Variants in CYRIB observed in about 807,000 individuals in gnomAD.
The protein encoded by CYRIB is CYFIP related Rac1 interactor B, also known as CYFIP-related Rac1 interactor B.
In CYRIB, 8 loss-of-function variants were observed where a neutral mutation model predicts 44.2. The ratio of observed to expected loss-of-function variants is 0.18; its 90% confidence interval spans 0.11 to 0.33. CYRIB has a LOEUF of 0.33. CYRIB is among the 10% of genes least tolerant of loss of function. The probability of loss-of-function intolerance (pLI) is 1.00; values close to 1 mark genes in which losing one functional copy is unlikely to be tolerated. For missense variants in CYRIB, 185 were observed against 382.8 expected (o/e 0.48, Z 4.31); for synonymous variants, 131 against 127.2 (o/e 1.03, Z -0.20).
upstream of CYRIB, chr8:130,016,568 G>C (rs1374957873): frequency 2.6e-5 from 4 of 151,846 alleles, no homozygotes; most frequent in Non-Finnish European, 5.9e-5. Flanking sequence ...ACTATAAAAG[G>C]AAGAGGCGCG....
At chr8:129,880,536 C>T in intron 2 of CYRIB, 2 of 629,574 alleles carry the variant, frequency 3.2e-6, no homozygotes, top group Non-Finnish European at 4.0e-6. Flanking sequence ...CAAAGGCTGG[C>T]TTGCTCATAA....
At chr8:129,908,307 G>A (rs1299985116) in intron 1 of CYRIB, among the ~76,000 whole-genome samples, 1 of 151,898 alleles carries the variant, frequency 6.6e-6, no homozygotes, top group Non-Finnish European at 1.5e-5. Context: ...AAAAATAAAC[G>A]ATAATTTGTA....
intron 1 of CYRIB, among the ~76,000 whole-genome samples, chr8:129,936,284 A>C (rs924291461): frequency 5.3e-5 from 8 of 152,212 alleles, no homozygotes; most frequent in Non-Finnish European, 7.3e-5. Context: ...ATATTTAATT[A>C]TGATTAATGG....
chr8:130,004,024 ATT>A (rs1179109557), intron 1 of CYRIB, among the ~76,000 whole-genome samples: 1 of 152,060 alleles, frequency 6.6e-6, no homozygotes, highest in Non-Finnish European at 1.5e-5. Context: ...TTATTTATCT[ATT>A]TATTTATTTT....
At chr8:129,932,068 G>C (rs1345941234) in intron 1 of CYRIB, among the ~76,000 whole-genome samples, 2 of 144,510 alleles carry the variant, frequency 1.4e-5, no homozygotes, top group Non-Finnish European at 3.0e-5. Flanking sequence ...GCGCAATCTC[G>C]GCTCACCGCA....
In CYRIB at chr8:129,885,413, C is replaced by A. The variant is rs181994555; in HGVS notation, c.-10-5942G>T. ...GTTTTCCTCACATCCAGCTTATAAA[C>A]GTATTAAAGACTTGTGACTGGCCAG... On this transcript the variant is annotated intron_variant, in intron 2 of 11. Coordinates refer to ENST00000519824, the Ensembl canonical transcript of CYRIB. Among the ~76,000 whole-genome samples, 57 of 152,254 alleles carry A rather than the reference C, an allele frequency of 3.7e-4. 1 individual carries two copies. Among genetic ancestry groups the A allele is most frequent in the African/African-American group, 1.3e-3 (55 of 41,526 alleles).
intron 1 of CYRIB, among the ~76,000 whole-genome samples, chr8:129,911,692 AAAAC>A (rs933341212): frequency 3.9e-5 from 6 of 152,144 alleles, no homozygotes; most frequent in African/African-American, 1.2e-4. Flanking sequence ...AACAAAAATA[AAAAC>A]AAACAAAACC....
At chr8:129,866,234 A>G (rs1003765075) in intron 4 of CYRIB, among the ~76,000 whole-genome samples, 2 of 152,188 alleles carry the variant, frequency 1.3e-5, no homozygotes, top group Non-Finnish European at 2.9e-5. Context: ...ACCACAATGC[A>G]TTGCATTTGT....
chr8:129,894,918 T>C (rs553626572), intron 2 of CYRIB, among the ~76,000 whole-genome samples: 124 of 149,422 alleles, frequency 8.3e-4, no homozygotes, highest in Non-Finnish European at 1.6e-3. Context: ...TAGAAATATA[T>C]ATATATATAT....
intron 2 of CYRIB, among the ~76,000 whole-genome samples, chr8:129,894,130 C>G (rs1174938763): frequency 1.3e-5 from 2 of 152,306 alleles, no homozygotes; most frequent in African/African-American, 4.8e-5. Context: ...TTATGCTTTA[C>G]ACCTCCATAC....
At chr8:129,907,426 T>G (rs1033703317) in intron 1 of CYRIB, among the ~76,000 whole-genome samples, 1 of 151,154 alleles carries the variant, frequency 6.6e-6, no homozygotes, top group Non-Finnish European at 1.5e-5. Flanking sequence ...AAGGGGAACA[T>G]CATACACCGG....
intron 1 of CYRIB, among the ~76,000 whole-genome samples, chr8:129,931,886 C>A (rs2091511247): frequency 6.6e-6 from 1 of 152,072 alleles, no homozygotes; most frequent in Non-Finnish European, 1.5e-5. Context: ...CTCAGCCTCC[C>A]AAATTGCTGG....
intron 5 of CYRIB, among the ~76,000 whole-genome samples, chr8:129,860,310 T>C (rs781361579): frequency 6.6e-6 from 1 of 152,188 alleles, no homozygotes; most frequent in African/African-American, 2.4e-5. Context: ...GAATAGCATC[T>C]GAGCACCATC....
chr8:129,944,434 T>C (rs886546493), upstream of CYRIB, among the ~76,000 whole-genome samples: 2 of 152,174 alleles, frequency 1.3e-5, no homozygotes, highest in African/African-American at 4.8e-5. Flanking sequence ...CCACGTGATA[T>C]CAATACTTTT....
intron 1 of CYRIB, among the ~76,000 whole-genome samples, chr8:129,996,518 A>G (rs1291535399): frequency 6.6e-6 from 1 of 152,192 alleles, no homozygotes; most frequent in Non-Finnish European, 1.5e-5. Context: ...ACAGAAGCCA[A>G]GTGGGAAAGG....
At chr8:129,856,265 G>A (rs1587412046) in intron 5 of CYRIB, among the ~76,000 whole-genome samples, 2 of 152,192 alleles carry the variant, frequency 1.3e-5, no homozygotes, top group South Asian at 2.1e-4. Context: ...AAAATATGTG[G>A]TTCAATAAGC....
chr8:129,989,795 T>A (rs28537603), intron 1 of CYRIB, among the ~76,000 whole-genome samples: 1 of 45,298 alleles, frequency 2.2e-5, no homozygotes. Context: ...CCCTCCCCCC[T>A]CCCCCCACCC....
intron 1 of CYRIB, among the ~76,000 whole-genome samples, chr8:129,996,201 G>A (rs992421647): frequency 1.3e-5 from 2 of 152,180 alleles, no homozygotes; most frequent in South Asian, 2.1e-4. Flanking sequence ...GCCGCTAGCC[G>A]ATTGGTTGCC....
At chr8:129,917,528 T>C (rs1396157128) in intron 1 of CYRIB, among the ~76,000 whole-genome samples, 1 of 152,180 alleles carries the variant, frequency 6.6e-6, no homozygotes, top group Non-Finnish European at 1.5e-5. Flanking sequence ...GATCTCAGGC[T>C]GACTCAATTC....
Sources: allele counts gnomAD v4.1 joint callset (sites outside exome capture counted in the v4.1 genomes callset), GRCh38; gene constraint gnomAD v4.1.1; transcripts MANE v1.5; gene names NCBI Gene and HGNC (gene_info 2026-07-23, HGNC 2026-07-21).